PPARGC1A: variants seen among roughly 807,000 people sequenced by gnomAD.
PPARGC1A encodes PPARG coactivator 1 alpha.
In PPARGC1A, 25 loss-of-function variants were observed where a neutral mutation model predicts 88.7. The observed-to-expected ratio is 0.28, with a 90% CI of 0.21 to 0.39. The LOEUF is 0.39. Ranked by LOEUF, PPARGC1A falls within the 10% of genes least tolerant of loss-of-function variation. PPARGC1A has a pLI of 1.00. For missense variants in PPARGC1A, 880 were observed against 968.7 expected (o/e 0.91, Z 1.22); for synonymous variants, 363 against 355.6 (o/e 1.02, Z -0.24).
chr4:24,445,765 T>C, the PPARGC1A span, among the ~76,000 whole-genome samples: 1 of 152,178 alleles, frequency 6.6e-6, no homozygotes, highest in Non-Finnish European at 1.5e-5. Context: ...AGAACATTGC[T>C]GGTTAAAAGA....
chr4:24,092,454 A>G, the PPARGC1A span, among the ~76,000 whole-genome samples: 4 of 152,112 alleles, frequency 2.6e-5, no homozygotes, highest in Non-Finnish European at 5.9e-5. Context: ...AATTTTTTTA[A>G]TGCTCTCCAG....
chr4:24,276,296 T>C, the PPARGC1A span, among the ~76,000 whole-genome samples: 42 of 152,328 alleles, frequency 2.8e-4, no homozygotes, highest in African/African-American at 9.4e-4. Flanking sequence ...AAAGGAACTA[T>C]GACTCAAAGC....
the PPARGC1A span, among the ~76,000 whole-genome samples, chr4:24,354,665 T>A: frequency 6.6e-6 from 1 of 152,074 alleles, no homozygotes; most frequent in Non-Finnish European, 1.5e-5. Context: ...GGCGTGTGGA[T>A]CATGAGGTCA....
At chr4:23,928,755 A>C in the PPARGC1A span, among the ~76,000 whole-genome samples, 62 of 1,996 alleles carry the variant, frequency 0.031, no homozygotes, top group East Asian at 0.31. Flanking sequence ...TCCAGCCACA[A>C]AAAAACAAAA....
At chr4:24,031,845 C>T in the PPARGC1A span, among the ~76,000 whole-genome samples, 1 of 152,300 alleles carries the variant, frequency 6.6e-6, no homozygotes, top group African/African-American at 2.4e-5. Flanking sequence ...TCTCAGAAGA[C>T]TATCCCAGTA....
chr4:24,264,962 C>T, the PPARGC1A span, among the ~76,000 whole-genome samples: 1 of 152,134 alleles, frequency 6.6e-6, no homozygotes, highest in Non-Finnish European at 1.5e-5. Context: ...CAGGCTTTCT[C>T]GTAGTTTAAT....
the PPARGC1A span, among the ~76,000 whole-genome samples, chr4:23,934,638 A>G: frequency 6.6e-6 from 1 of 152,166 alleles, no homozygotes; most frequent in Non-Finnish European, 1.5e-5. Flanking sequence ...AGACATAACT[A>G]CATGTGTGTG....
At chr4:24,051,214 C>CAAAAAAAAAAAAAAAAAAAAAAAA in the PPARGC1A span, among the ~76,000 whole-genome samples, 2 of 118,994 alleles carry the variant, frequency 1.7e-5, no homozygotes. Context: ...AAAAAAAAAC[C>CAAAAAAAAAAAAAAAAAAAAAAAA]AAACCTAAAC....
At chr4:24,120,886 G>C in the PPARGC1A span, among the ~76,000 whole-genome samples, 1 of 152,120 alleles carries the variant, frequency 6.6e-6, no homozygotes, top group Non-Finnish European at 1.5e-5. Context: ...AATTTCTGTC[G>C]TTTATAAGCT....
At chr4:23,834,312 T>C (rs192725368) in intron 2 of PPARGC1A, among the ~76,000 whole-genome samples, 194 of 148,752 alleles carry the variant, frequency 1.3e-3, no homozygotes, top group African/African-American at 4.6e-3. Flanking sequence ...AAAAAACATA[T>C]ATATATACAC....
chr4:24,410,691 G>A, the PPARGC1A span, among the ~76,000 whole-genome samples: 1 of 152,138 alleles, frequency 6.6e-6, no homozygotes, highest in Non-Finnish European at 1.5e-5. Flanking sequence ...AATAAAGCAG[G>A]CAGAAGAACA....
At chr4:24,113,297 C>CATGG in the PPARGC1A span, among the ~76,000 whole-genome samples, 2 of 148,736 alleles carry the variant, frequency 1.3e-5, no homozygotes, top group East Asian at 2.1e-4. Context: ...TGGATGGATG[C>CATGG]ATGGATGGAT....
chr4:24,424,257 A>ACTTT, the PPARGC1A span, among the ~76,000 whole-genome samples: 1 of 67,222 alleles, frequency 1.5e-5, no homozygotes, highest in Non-Finnish European at 2.9e-5. Flanking sequence ...CTATACACAC[A>ACTTT]CTTTTTTTTT....
the PPARGC1A span, among the ~76,000 whole-genome samples, chr4:24,353,949 T>A: frequency 6.6e-6 from 1 of 152,226 alleles, no homozygotes; most frequent in Non-Finnish European, 1.5e-5. Flanking sequence ...GAACAAATTA[T>A]CACAAATTTT....
At chr4:23,980,536 T>C in the PPARGC1A span, among the ~76,000 whole-genome samples, 2 of 152,156 alleles carry the variant, frequency 1.3e-5, no homozygotes, top group Non-Finnish European at 2.9e-5. Flanking sequence ...AAAGTACCCA[T>C]TTGTGCAAGT....
At chr4:24,194,845 A>T in the PPARGC1A span, among the ~76,000 whole-genome samples, 1 of 152,178 alleles carries the variant, frequency 6.6e-6, no homozygotes, top group South Asian at 2.1e-4. Context: ...GCAGCTTTAC[A>T]ACTAAATATC....
At chr4:23,991,827 C>T in the PPARGC1A span, among the ~76,000 whole-genome samples, 6 of 151,930 alleles carry the variant, frequency 3.9e-5, no homozygotes, top group African/African-American at 7.2e-5. Flanking sequence ...GAAAATTTAA[C>T]GTGTGATAAA....
chr4:23,824,555 T>G, intron 5 of PPARGC1A, 47 bp from the exon 6 acceptor site: 1 of 1,478,220 alleles, frequency 6.8e-7, no homozygotes, highest in Non-Finnish European at 9.2e-7. Flanking sequence ...GAGTGTCTTT[T>G]AGATTTCTTT....
the PPARGC1A span, among the ~76,000 whole-genome samples, chr4:24,446,686 C>G: frequency 2.6e-5 from 4 of 151,326 alleles, no homozygotes; most frequent in Admixed American, 1.3e-4. Context: ...AACCTCCGCC[C>G]CCTAGGTTCA....
Sources: gnomAD v4.1 joint callset for allele counts (sites outside exome capture counted in the v4.1 genomes callset) on GRCh38, gnomAD v4.1.1 for gene constraint, MANE v1.5 for transcripts, NCBI Gene and HGNC (gene_info 2026-07-23, HGNC 2026-07-21) for gene names.